The following CRPPA variants were observed in gnomAD, a reference collection of about 807,000 sequenced individuals.
The protein encoded by CRPPA is CDP-L-ribitol pyrophosphorylase A.
CRPPA carries 43 observed loss-of-function variants against 52.0 expected under a neutral mutation model. That is an observed-to-expected ratio of 0.83 (90% CI 0.65 to 1.07). The LOEUF is 1.07. CRPPA is among the 50% of genes least tolerant of loss of function. The pLI is 0.00. For missense variants in CRPPA, 629 were observed against 551.7 expected (o/e 1.14, Z -1.40); for synonymous variants, 250 against 203.5 (o/e 1.23, Z -1.94).
intron 3 of CRPPA, among the ~76,000 whole-genome samples, chr7:16,365,056 C>G (rs1205938997): frequency 6.6e-6 from 1 of 152,186 alleles, no homozygotes; most frequent in East Asian, 1.9e-4. Context: ...CTCCTAGGCT[C>G]CCTCCACCAG....
chr7:16,334,727 A>T (rs577501155), intron 3 of CRPPA, among the ~76,000 whole-genome samples: 1 of 152,142 alleles, frequency 6.6e-6, no homozygotes, highest in Non-Finnish European at 1.5e-5. Context: ...ATACTATTTA[A>T]CCTCAGAGCA....
intron 6 of CRPPA, among the ~76,000 whole-genome samples, chr7:16,272,590 T>C (rs2128416427): frequency 6.6e-6 from 1 of 152,290 alleles, no homozygotes; most frequent in East Asian, 1.9e-4. Flanking sequence ...ATACGTTGCA[T>C]TTTGTATTTG....
chr7:16,259,553 C>T (rs1783738003), intron 6 of CRPPA, among the ~76,000 whole-genome samples: 1 of 151,876 alleles, frequency 6.6e-6, no homozygotes, highest in Non-Finnish European at 1.5e-5. Context: ...TATAAGTAGT[C>T]CGAGATTAGA....
chr7:16,098,178 G>A (rs1186097363), intron 9 of CRPPA, among the ~76,000 whole-genome samples: 1 of 152,144 alleles, frequency 6.6e-6, no homozygotes, highest in Non-Finnish European at 1.5e-5. Context: ...AGAATAGCAG[G>A]AAAAGCTATG....
intron 3 of CRPPA, among the ~76,000 whole-genome samples, chr7:16,347,688 C>T (rs1445219390): frequency 6.6e-6 from 1 of 152,080 alleles, no homozygotes; most frequent in East Asian, 1.9e-4. Context: ...AATAAGGCAA[C>T]TGAGAAAACA....
At chr7:16,271,329 C>G (rs1292503124) in intron 6 of CRPPA, among the ~76,000 whole-genome samples, 1 of 152,118 alleles carries the variant, frequency 6.6e-6, no homozygotes, top group Non-Finnish European at 1.5e-5. Context: ...CTCTGTAGAA[C>G]TGTACTTTTA....
rs116490194 is a variant in CRPPA, at chr7:16,306,658, G to A, written c.789+1865C>T. The stretch of plus-strand genomic sequence containing the variant: ...AGCAATAAAACGCCTTAGAGTTTCC[G>A]CCTTTTTTCTTGGTCTTCAAATTAG... On this transcript the variant is annotated intron_variant, in intron 4 of 9. Coordinates refer to ENST00000407010, the MANE Select transcript of CRPPA (RefSeq NM_001101426.4). 7.2e-3 allele frequency among the ~76,000 whole-genome samples: 1,095 copies of A among 152,232 alleles called. 15 individuals are homozygous for A. Among genetic ancestry groups the A allele is most frequent in the African/African-American group, 0.025 (1,055 of 41,538 alleles).
chr7:16,108,125 C>A (rs1782193207), intron 9 of CRPPA, among the ~76,000 whole-genome samples: 1 of 151,882 alleles, frequency 6.6e-6, no homozygotes, highest in Non-Finnish European at 1.5e-5. Context: ...AGTAGTAAAT[C>A]CTTACCTATC....
At chr7:16,113,981 T>TA (rs1391088418) in intron 9 of CRPPA, among the ~76,000 whole-genome samples, 122 of 151,898 alleles carry the variant, frequency 8.0e-4, no homozygotes, top group African/African-American at 2.7e-3. Flanking sequence ...TAAAGGATAT[T>TA]TAAAAGAACA....
chr7:16,174,062 G>A (rs1362870413), intron 9 of CRPPA, among the ~76,000 whole-genome samples: 1 of 152,070 alleles, frequency 6.6e-6, no homozygotes, highest in Non-Finnish European at 1.5e-5. Flanking sequence ...CATTGCCTTT[G>A]TGATCTGTGA....
chr7:16,234,223 T>C (rs1360173167), intron 8 of CRPPA, among the ~76,000 whole-genome samples: 1 of 152,110 alleles, frequency 6.6e-6, no homozygotes, highest in Non-Finnish European at 1.5e-5. Context: ...GGATGCTATC[T>C]CCAACAAAAA....
In CRPPA at chr7:16,280,535, A is replaced by G. The variant is rs534566633; in HGVS notation, c.836-2309T>C. On this transcript the variant is annotated intron_variant, in intron 5 of 9. Transcript: ENST00000407010. ...GATGGTGCCACAAACATTTATATAA[A>G]TTTGTAAAATAATGCATAACATTAA... 7.2e-4 allele frequency among the ~76,000 whole-genome samples: 110 copies of G among 152,346 alleles called. 2 individuals carry two copies. Among genetic ancestry groups the G allele is most frequent in the African/African-American group, 2.6e-3 (107 of 41,592 alleles).
intron 3 of CRPPA, among the ~76,000 whole-genome samples, chr7:16,356,516 G>C (rs1786299157): frequency 6.6e-6 from 1 of 152,174 alleles, no homozygotes; most frequent in Non-Finnish European, 1.5e-5. Flanking sequence ...TCTGTCTGAG[G>C]TCCGGCTCAG....
chr7:16,301,011 G>T (rs894389294), intron 5 of CRPPA, among the ~76,000 whole-genome samples: 1 of 152,122 alleles, frequency 6.6e-6, no homozygotes, highest in Non-Finnish European at 1.5e-5. Context: ...AATTTCTCCA[G>T]TTAGGAAAAA....
At chr7:16,100,759 G>C (rs1301671583) in intron 9 of CRPPA, among the ~76,000 whole-genome samples, 3 of 152,116 alleles carry the variant, frequency 2.0e-5, no homozygotes, top group African/African-American at 7.2e-5. Flanking sequence ...TCCAGCTTTT[G>C]CCCATTCAGT....
intron 3 of CRPPA, among the ~76,000 whole-genome samples, chr7:16,332,043 A>G (rs1785563299): frequency 6.6e-6 from 1 of 152,208 alleles, no homozygotes; most frequent in East Asian, 1.9e-4. Context: ...TATTATACTC[A>G]AACTACAGAA....
intron 6 of CRPPA, among the ~76,000 whole-genome samples, chr7:16,263,336 T>C (rs1783862557): frequency 1.3e-5 from 2 of 152,282 alleles, no homozygotes; most frequent in African/African-American, 2.4e-5. Context: ...TTGTCACAAA[T>C]ACTGGGCTCA....
chr7:16,286,105 T>G (rs1376875945), intron 5 of CRPPA, among the ~76,000 whole-genome samples: 1 of 102,236 alleles, frequency 9.8e-6, no homozygotes, highest in Non-Finnish European at 2.0e-5. Flanking sequence ...AAAATATATA[T>G]ATATATATAT....
chr7:16,276,505 G>A (rs1784207010), intron 6 of CRPPA: 2 of 152,230 alleles, frequency 1.3e-5, no homozygotes, highest in South Asian at 2.1e-4. Context: ...CTGGCATATT[G>A]AAGATACTCA....
Sources: gnomAD v4.1 joint callset for allele counts (sites outside exome capture counted in the v4.1 genomes callset) on GRCh38, gnomAD v4.1.1 for gene constraint, MANE v1.5 for transcripts, NCBI Gene and HGNC (gene_info 2026-07-23, HGNC 2026-07-21) for gene names.